LHFPL6: variants seen among roughly 807,000 people sequenced by gnomAD.
LHFPL6 encodes the protein LHFPL tetraspan subfamily member 6 protein.
LHFPL6 carries 9 observed loss-of-function variants against 20.6 expected under a neutral mutation model. The ratio of observed to expected loss-of-function variants is 0.44; its 90% confidence interval spans 0.26 to 0.76. The LOEUF is 0.76. LHFPL6 is among the 30% of genes least tolerant of loss of function. LHFPL6 has a pLI of 0.20. For synonymous variants in LHFPL6, 105 were observed against 98.7 expected (o/e 1.06, Z -0.38); for missense variants, 218 against 253.5 (o/e 0.86, Z 0.95).
At chr13:39,451,935 T>C (rs1872455495) in intron 2 of LHFPL6, among the ~76,000 whole-genome samples, 1 of 152,188 alleles carries the variant, frequency 6.6e-6, no homozygotes, top group African/African-American at 2.4e-5. Context: ...TATGTGTGTG[T>C]GTGTGTGTGT....
intron 2 of LHFPL6, among the ~76,000 whole-genome samples, chr13:39,541,843 A>C (rs1293043265): frequency 2.0e-5 from 3 of 151,516 alleles, no homozygotes; most frequent in Non-Finnish European, 4.4e-5. Context: ...TAATCCCAGC[A>C]CTTTGGGAGG....
intron 2 of LHFPL6, among the ~76,000 whole-genome samples, chr13:39,592,481 T>C (rs866195282): frequency 5.3e-5 from 8 of 152,226 alleles, no homozygotes; most frequent in African/African-American, 1.7e-4. Context: ...CAATAATTAA[T>C]AGCTTACCAA....
At chr13:39,394,892 G>A (rs535444409) in intron 2 of LHFPL6, among the ~76,000 whole-genome samples, 2 of 152,280 alleles carry the variant, frequency 1.3e-5, no homozygotes, top group Non-Finnish European at 2.9e-5. Flanking sequence ...GCAGCACCAC[G>A]CTGTCACACA....
At chr13:39,363,582 C>T (rs924911802) in intron 3 of LHFPL6, among the ~76,000 whole-genome samples, 2 of 152,166 alleles carry the variant, frequency 1.3e-5, no homozygotes, top group Non-Finnish European at 2.9e-5. Flanking sequence ...AGCCATCTCC[C>T]GTACTTTCCC....
chr13:39,409,846 T>C lies in LHFPL6; in HGVS notation c.386-31320A>G, dbSNP rs564932002. 3.3e-5 allele frequency among the ~76,000 whole-genome samples: 5 copies of C among 152,328 alleles called. No homozygotes were observed. The South Asian group carries it at 1.0e-3, about 32-fold the overall frequency. ...TCCAAAATAAATTGTTCTGTAACAA[T>C]AGCTTCCTTTTAGCTCAGTCATCTA... is the stretch of plus-strand genomic sequence containing the variant. On this transcript the variant is annotated intron_variant, in intron 2 of 3. Transcript: ENST00000379589.
chr13:39,581,524 G>T (rs1458853695), intron 2 of LHFPL6, among the ~76,000 whole-genome samples: 1 of 128,096 alleles, frequency 7.8e-6, no homozygotes, highest in Non-Finnish European at 1.6e-5. Context: ...CCATCTTTAT[G>T]CATGAGACAA....
chr13:39,411,083 C>T (rs1456094165), intron 2 of LHFPL6, among the ~76,000 whole-genome samples: 2 of 152,160 alleles, frequency 1.3e-5, no homozygotes, highest in Admixed American at 6.5e-5. Flanking sequence ...ATAATAAACA[C>T]ATGTCTGCAC....
intron 3 of LHFPL6, among the ~76,000 whole-genome samples, chr13:39,347,750 T>C (rs1184446659): frequency 6.6e-6 from 1 of 152,212 alleles, no homozygotes; most frequent in Non-Finnish European, 1.5e-5. Flanking sequence ...CTAGATTAAA[T>C]ACACCTATGA....
At chr13:39,537,516 A>C (rs1870658779) in intron 2 of LHFPL6, among the ~76,000 whole-genome samples, 1 of 152,214 alleles carries the variant, frequency 6.6e-6, no homozygotes, top group Admixed American at 6.5e-5. Context: ...TTAAAACTGC[A>C]TTCAAATTTT....
intron 2 of LHFPL6, among the ~76,000 whole-genome samples, chr13:39,502,398 C>T (rs9532384): frequency 0.97 from 147,403 of 151,752 alleles, 71,728 homozygotes; most frequent in East Asian, 1. Context: ...GCGGCAGGAT[C>T]GCTTGAGCCC....
chr13:39,476,766 T>G (rs1222037966), intron 2 of LHFPL6, among the ~76,000 whole-genome samples: 2 of 152,206 alleles, frequency 1.3e-5, no homozygotes, highest in East Asian at 3.9e-4. Context: ...ATGTATGTAC[T>G]CAATAATCTA....
At chr13:39,518,728 G>T (rs1317100698) in intron 2 of LHFPL6, among the ~76,000 whole-genome samples, 1 of 152,040 alleles carries the variant, frequency 6.6e-6, no homozygotes, top group African/African-American at 2.4e-5. Flanking sequence ...GAAAGCTTCT[G>T]AAAAATGCAG....
chr13:39,403,566 C>A (rs1027820917), intron 2 of LHFPL6, among the ~76,000 whole-genome samples: 1 of 152,196 alleles, frequency 6.6e-6, no homozygotes, highest in Non-Finnish European at 1.5e-5. Flanking sequence ...AAGTAACATT[C>A]AATCAGTAAG....
chr13:39,351,654 T>C (rs1869570964), intron 3 of LHFPL6, among the ~76,000 whole-genome samples: 1 of 152,202 alleles, frequency 6.6e-6, no homozygotes, highest in African/African-American at 2.4e-5. Context: ...TGAGTCCTTG[T>C]GGATGAACTA....
At chr13:39,487,104 T>C (rs1868752333) in intron 2 of LHFPL6, among the ~76,000 whole-genome samples, 1 of 152,208 alleles carries the variant, frequency 6.6e-6, no homozygotes, top group African/African-American at 2.4e-5. Context: ...ACTACACATA[T>C]AATCTTAAAA....
At chr13:39,346,481 T>C (rs994605421) in intron 3 of LHFPL6, among the ~76,000 whole-genome samples, 3 of 152,206 alleles carry the variant, frequency 2.0e-5, no homozygotes, top group Non-Finnish European at 4.4e-5. Context: ...GGTAGGTATA[T>C]GAGTATCATT....
chr13:39,407,796 T>G (rs1188800176), intron 2 of LHFPL6, among the ~76,000 whole-genome samples: 1 of 152,252 alleles, frequency 6.6e-6, no homozygotes, highest in African/African-American at 2.4e-5. Context: ...ACCTGTCAAC[T>G]TTTTTCTTCA....
chr13:39,580,586 T>C (rs749019502), intron 2 of LHFPL6, among the ~76,000 whole-genome samples: 1 of 152,214 alleles, frequency 6.6e-6, no homozygotes, highest in Non-Finnish European at 1.5e-5. Context: ...TTCTGTTCAT[T>C]ACGTTACCCC....
At chr13:39,478,421 A>G (rs1873137183) in intron 2 of LHFPL6, among the ~76,000 whole-genome samples, 1 of 152,184 alleles carries the variant, frequency 6.6e-6, no homozygotes, top group South Asian at 2.1e-4. Context: ...ACATTCCTAT[A>G]TAGTTTGCAT....
Sources: allele counts gnomAD v4.1 joint callset (sites outside exome capture counted in the v4.1 genomes callset), GRCh38; gene constraint gnomAD v4.1.1; transcripts MANE v1.5; gene names NCBI Gene and HGNC (gene_info 2026-07-23, HGNC 2026-07-21).